Variants in SGMS1 observed in about 807,000 individuals in gnomAD.
SGMS1 encodes phosphatidylcholine:ceramide cholinephosphotransferase 1.
A neutral mutation model predicts 46.2 loss-of-function variants in SGMS1; 13 were observed. That is an observed-to-expected ratio of 0.28 (90% CI 0.18 to 0.45). The LOEUF (loss-of-function observed/expected upper bound fraction) is 0.45, where lower values mean the gene tolerates loss of function less well. Among genes scored for constraint, SGMS1 ranks in the 20% least tolerant of loss-of-function variants. The pLI is 1.00. For synonymous variants in SGMS1, 203 were observed against 187.8 expected, an observed-to-expected ratio of 1.08 and a Z score of -0.66; for missense variants, 324 against 519.9, an observed-to-expected ratio of 0.62 and a Z score of 3.66.
chr10:50,495,963 T>G (rs1837611785), intron 3 of SGMS1, among the ~76,000 whole-genome samples: 1 of 152,238 alleles, frequency 6.6e-6, no homozygotes, highest in South Asian at 2.1e-4. Flanking sequence ...TTTAAAGTCA[T>G]GTGCACGTAT....
At chr10:50,619,290 C>T (rs1020008477) in intron 1 of SGMS1, among the ~76,000 whole-genome samples, 4 of 152,136 alleles carry the variant, frequency 2.6e-5, no homozygotes, top group African/African-American at 9.7e-5. Context: ...AGGCAACGCA[C>T]TAGATAAACC....
chr10:50,545,429 C>T (rs910105766), intron 2 of SGMS1, among the ~76,000 whole-genome samples: 4 of 152,060 alleles, frequency 2.6e-5, no homozygotes, highest in Non-Finnish European at 5.9e-5. Context: ...GTTGTTGTTG[C>T]TGTTTGTTTT....
chr10:50,359,680 G>A (rs1214836719), intron 6 of SGMS1, among the ~76,000 whole-genome samples: 1 of 112,238 alleles, frequency 8.9e-6, no homozygotes, highest in Non-Finnish European at 2.0e-5. Flanking sequence ...CATTCATTAT[G>A]GCAAAAAAAA....
chr10:50,533,511 A>G (rs975694256), intron 2 of SGMS1, among the ~76,000 whole-genome samples: 1 of 152,228 alleles, frequency 6.6e-6, no homozygotes, highest in Admixed American at 6.5e-5. Flanking sequence ...TAATCAGATC[A>G]GCTTTAACAT....
chr10:50,326,315 A>C (rs1379417798), intron 8 of SGMS1, among the ~76,000 whole-genome samples: 1 of 152,192 alleles, frequency 6.6e-6, no homozygotes, highest in Non-Finnish European at 1.5e-5. Context: ...AAAAATCCAG[A>C]GTGAATTTTT....
At chr10:50,417,411 A>G (rs1849186132) in intron 6 of SGMS1, among the ~76,000 whole-genome samples, 1 of 99,968 alleles carries the variant, frequency 1.0e-5, no homozygotes, top group African/African-American at 3.6e-5. Context: ...CAAAACAAAC[A>G]CAAAAATAAA....
intron 6 of SGMS1, among the ~76,000 whole-genome samples, chr10:50,393,630 A>T (rs113481111): frequency 6.6e-6 from 1 of 152,306 alleles, no homozygotes; most frequent in East Asian, 1.9e-4. Context: ...AAAGGCACTG[A>T]TCTGTCACCC....
chr10:50,405,158 C>T (rs114932305), intron 6 of SGMS1, among the ~76,000 whole-genome samples: 2,262 of 152,058 alleles, frequency 0.015, 61 homozygotes, highest in African/African-American at 0.051. Context: ...TGTACATGCA[C>T]CATTTTTACT....
chr10:50,365,987 TGGTGTAAGTAATATGTTGGGTCAAAA>T (rs1229382160), intron 6 of SGMS1, among the ~76,000 whole-genome samples: 190 of 152,198 alleles, frequency 1.2e-3, no homozygotes, highest in African/African-American at 3.9e-3. Context: ...CTGGGTCAAA[TGGTGTAAGTAATATGTTGGGTCAAAA>T]GGTGTAAGTA....
At chr10:50,567,167 G>A (rs1453362332) in intron 2 of SGMS1, among the ~76,000 whole-genome samples, 3 of 152,072 alleles carry the variant, frequency 2.0e-5, no homozygotes, top group Non-Finnish European at 4.4e-5. Context: ...GGCTGGTCTC[G>A]AACTCCTGAC....
At chr10:50,594,922 C>T (rs1433467618) in intron 1 of SGMS1, among the ~76,000 whole-genome samples, 3 of 152,144 alleles carry the variant, frequency 2.0e-5, no homozygotes, top group Non-Finnish European at 4.4e-5. Flanking sequence ...ACTGTTTATT[C>T]CCATCTTGTA....
intron 6 of SGMS1, among the ~76,000 whole-genome samples, chr10:50,382,369 A>G (rs775425396): frequency 2.6e-5 from 4 of 152,216 alleles, no homozygotes; most frequent in Non-Finnish European, 5.9e-5. Flanking sequence ...TCACAGATAT[A>G]TATTCATAGA....
Position 50,574,762 on chromosome 10 carries a change from A to C in SGMS1, c.-589+15391T>G, listed in dbSNP as rs113664448. Among the ~76,000 whole-genome samples the C allele has an allele frequency of 7.9e-3, 1,209 of 152,116 alleles. 15 individuals carry two copies. Among genetic ancestry groups the C allele is most frequent in the African/African-American group, 0.028 (1,146 of 41,536 alleles). ...AGGTCCATCAACAGATGAATGGATA[A>C]AGAAAAATGTGGTACCGTAGGAAGA... On this transcript the variant is annotated intron_variant, in intron 2 of 10. Coordinates refer to ENST00000361781, the MANE Select transcript of SGMS1 (RefSeq NM_147156.4).
intron 5 of SGMS1, among the ~76,000 whole-genome samples, chr10:50,442,043 CTTTTA>C (rs1218188322): frequency 1.3e-5 from 2 of 151,998 alleles, no homozygotes; most frequent in Non-Finnish European, 2.9e-5. Flanking sequence ...CATTAACTTG[CTTTTA>C]TTTTTTTATT....
chr10:50,527,298 G>A (rs1250077341), intron 2 of SGMS1, among the ~76,000 whole-genome samples: 1 of 152,102 alleles, frequency 6.6e-6, no homozygotes, highest in Non-Finnish European at 1.5e-5. Flanking sequence ...CAACACTTGT[G>A]GAATATTCCC....
chr10:50,514,962 C>T (rs1368504367), intron 3 of SGMS1, among the ~76,000 whole-genome samples: 1 of 152,194 alleles, frequency 6.6e-6, no homozygotes, highest in Non-Finnish European at 1.5e-5. Context: ...GAATTTTTTG[C>T]ACGCATCAAA....
intron 7 of SGMS1, among the ~76,000 whole-genome samples, chr10:50,330,193 C>T (rs1847597818): frequency 6.6e-6 from 1 of 152,124 alleles, no homozygotes; most frequent in Admixed American, 6.5e-5. Context: ...GTGACTCACG[C>T]CTGTAATCCC....
chr10:50,359,247 C>G (rs1261706969), intron 6 of SGMS1, among the ~76,000 whole-genome samples: 1 of 152,140 alleles, frequency 6.6e-6, no homozygotes, highest in Non-Finnish European at 1.5e-5. Context: ...ATCTTTTGGT[C>G]TCCTCCACAC....
chr10:50,534,987 AC>A (rs1837986927), intron 2 of SGMS1, among the ~76,000 whole-genome samples: 3 of 152,126 alleles, frequency 2.0e-5, no homozygotes, highest in Admixed American at 1.3e-4. Context: ...TAATCCCAGC[AC>A]TCTGGGAGGC....
Sources: allele counts gnomAD v4.1 joint callset (sites outside exome capture counted in the v4.1 genomes callset), GRCh38; gene constraint gnomAD v4.1.1; transcripts MANE v1.5; gene names NCBI Gene and HGNC (gene_info 2026-07-23, HGNC 2026-07-21).